RXFP1: variants seen among roughly 807,000 people sequenced by gnomAD.
RXFP1 encodes relaxin family peptide receptor 1, also known as relaxin receptor 1.
In RXFP1, 73 loss-of-function variants were observed where a neutral mutation model predicts 89.8. The ratio of observed to expected loss-of-function variants is 0.81; its 90% confidence interval spans 0.67 to 0.99. The LOEUF is 0.99. Ranked by LOEUF, RXFP1 falls within the 50% of genes least tolerant of loss-of-function variation. The probability of loss-of-function intolerance (pLI) is 0.00; values close to 1 mark genes in which losing one functional copy is unlikely to be tolerated. For missense variants in RXFP1, 793 were observed against 895.5 expected (o/e 0.89, Z 1.46); for synonymous variants, 277 against 305.5 (o/e 0.91, Z 0.97).
intron 1 of RXFP1, among the ~76,000 whole-genome samples, chr4:158,559,424 G>A (rs1275270207): frequency 6.6e-6 from 1 of 152,152 alleles, no homozygotes; most frequent in African/African-American, 2.4e-5. Context: ...TTATTTTCCA[G>A]ATGATGAAAC....
At chr4:158,598,946 T>A (rs748431117) in intron 3 of RXFP1, among the ~76,000 whole-genome samples, 3 of 151,762 alleles carry the variant, frequency 2.0e-5, no homozygotes, top group Non-Finnish European at 2.9e-5. Context: ...TAAGTGGCAG[T>A]TGTAGTATGA....
chr4:158,634,955 G>A (rs904536832), intron 12 of RXFP1, among the ~76,000 whole-genome samples: 7 of 151,932 alleles, frequency 4.6e-5, no homozygotes, highest in Non-Finnish European at 1.0e-4. Context: ...GAAATTAAGT[G>A]GTGTAAAATC....
chr4:158,620,259 A>G (rs186321912), intron 9 of RXFP1, among the ~76,000 whole-genome samples: 30 of 152,324 alleles, frequency 2.0e-4, no homozygotes, highest in Admixed American at 5.2e-4. Context: ...GAAAGCTTTC[A>G]AATTGAAACG....
chr4:158,585,946 A>C (rs1758233415), intron 2 of RXFP1, among the ~76,000 whole-genome samples: 1 of 152,246 alleles, frequency 6.6e-6, no homozygotes, highest in South Asian at 2.1e-4. Context: ...TCCGAGTCAC[A>C]GGATTTTTCT....
Position 158,572,704 on chromosome 4 carries a change from A to C in RXFP1, c.56A>C (p.His19Pro), listed in dbSNP as rs915560356. 6.2e-7 allele frequency: 1 copy of C among 1,614,082 alleles called. No homozygotes were observed. Among genetic ancestry groups the C allele is most frequent in the African/African-American group, 1.3e-5 (1 of 75,034 alleles). The change falls in exon 2 of 18, where the codon CAT becomes CCT. Residue 19 changes from histidine (H) to proline (P), a missense_variant. His to Pro is a moderately conservative substitution (Grantham distance 77, BLOSUM62 -2). Coordinates refer to ENST00000307765, the MANE Select transcript of RXFP1 (RefSeq NM_021634.4). ...CTTCTCCCCTTTTCCTCAGTTTCTC[A>C]TGGGGGTGGACAGGATGTCAAGTGC... The part of the protein sequence containing the change: ...YILIFGKYFS[H>P]GGGQDVKCSL...
intron 10 of RXFP1, among the ~76,000 whole-genome samples, chr4:158,627,513 GT>G (rs1210986355): frequency 1.5e-4 from 16 of 106,040 alleles, no homozygotes; most frequent in African/African-American, 8.0e-4. Context: ...GGGTGTGTGT[GT>G]GTGTGTGTGT....
intron 4 of RXFP1, among the ~76,000 whole-genome samples, chr4:158,604,589 T>C (rs1295764375): frequency 1.3e-5 from 2 of 152,218 alleles, no homozygotes; most frequent in African/African-American, 4.8e-5. Context: ...AATCACTTAT[T>C]GAATAAAGAT....
At chr4:158,614,339 A>G (rs1764125994) in intron 8 of RXFP1, among the ~76,000 whole-genome samples, 1 of 152,190 alleles carries the variant, frequency 6.6e-6, no homozygotes. Context: ...TCTAGCTATG[A>G]AAGTCTTGTA....
At chr4:158,581,053 G>T (rs904687033) in intron 2 of RXFP1, among the ~76,000 whole-genome samples, 2 of 152,172 alleles carry the variant, frequency 1.3e-5, no homozygotes, top group African/African-American at 4.8e-5. Flanking sequence ...GCCTCCCAAA[G>T]TGCTGGGATT....
intron 9 of RXFP1, 98 bp downstream of exon 9, chr4:158,617,303 G>T (rs1470437128): frequency 1.9e-5 from 17 of 897,098 alleles, no homozygotes; most frequent in Non-Finnish European, 2.4e-5. Flanking sequence ...TCTTAAAAAT[G>T]ATAAGGGTTT....
At chr4:158,541,399 C>A (rs1187572571) in intron 1 of RXFP1, among the ~76,000 whole-genome samples, 1 of 127,148 alleles carries the variant, frequency 7.9e-6, no homozygotes, top group Non-Finnish European at 1.8e-5. Flanking sequence ...AGGGTAATTT[C>A]ATATTTACTC....
At chr4:158,593,272 C>T in intron 2 of RXFP1, 129 bp from the exon 3 acceptor site, 1 of 461,984 alleles carries the variant, frequency 2.2e-6, no homozygotes, top group Non-Finnish European at 3.8e-6. Context: ...TAGCAAGTTT[C>T]CAGATAATGT....
At chr4:158,582,651 G>A (rs900329920) in intron 2 of RXFP1, among the ~76,000 whole-genome samples, 3 of 152,142 alleles carry the variant, frequency 2.0e-5, no homozygotes, top group African/African-American at 7.2e-5. Context: ...GGCCCTTATG[G>A]CCATTTCTCC....
intron 1 of RXFP1, among the ~76,000 whole-genome samples, chr4:158,568,706 C>G (rs6839372): frequency 0.96 from 146,136 of 152,306 alleles, 70,358 homozygotes; most frequent in East Asian, 1. Context: ...TTATTATATA[C>G]ATTTGACTAT....
chr4:158,604,507 T>C (rs1762232094), intron 4 of RXFP1, among the ~76,000 whole-genome samples: 1 of 152,194 alleles, frequency 6.6e-6, no homozygotes, highest in Non-Finnish European at 1.5e-5. Context: ...GGATCTGGTC[T>C]GTGTCAAACT....
At chr4:158,612,259 A>G (rs780373391) in intron 7 of RXFP1, 32 bp from the exon 8 acceptor site, 1 of 1,604,634 alleles carries the variant, frequency 6.2e-7, no homozygotes, top group East Asian at 2.2e-5. Context: ...AGAGATATAT[A>G]AATGAATTAA....
At chr4:158,641,324 C>T (rs552298587) in intron 14 of RXFP1, among the ~76,000 whole-genome samples, 8 of 152,278 alleles carry the variant, frequency 5.3e-5, no homozygotes, top group African/African-American at 1.9e-4. Flanking sequence ...TTGATCACGT[C>T]TAGGGTACTT....
At chr4:158,526,049 C>G (rs1311031195) in intron 1 of RXFP1, among the ~76,000 whole-genome samples, 1 of 152,250 alleles carries the variant, frequency 6.6e-6, no homozygotes, top group African/African-American at 2.4e-5. Flanking sequence ...CCCAAGGTCT[C>G]AGAGCTGGTA....
At chr4:158,534,090 G>A (rs963434403) in intron 1 of RXFP1, among the ~76,000 whole-genome samples, 7 of 151,998 alleles carry the variant, frequency 4.6e-5, no homozygotes, top group Non-Finnish European at 5.9e-5. Flanking sequence ...GAAACTACTC[G>A]ATCACGTTCT....
Sources: gnomAD v4.1 joint callset for allele counts (sites outside exome capture counted in the v4.1 genomes callset) on GRCh38, gnomAD v4.1.1 for gene constraint, MANE v1.5 for transcripts, NCBI Gene and HGNC (gene_info 2026-07-23, HGNC 2026-07-21) for gene names.